The following RUNX2 variants were observed in gnomAD, a reference collection of about 807,000 sequenced individuals.
RUNX2 encodes runt-related transcription factor 2.
A neutral mutation model predicts 51.7 loss-of-function variants in RUNX2; 10 were observed. The ratio of observed to expected loss-of-function variants is 0.19; its 90% CI spans 0.12 to 0.33. The LOEUF (loss-of-function observed/expected upper bound fraction) is 0.33. Ranked by LOEUF, RUNX2 falls within the 10% of genes least tolerant of loss-of-function variation. The probability of loss-of-function intolerance (pLI) is 1.00; values close to 1 mark genes in which losing one functional copy is unlikely to be tolerated. For synonymous variants in RUNX2, 276 were observed against 273.6 expected, an observed-to-expected ratio of 1.01 and a Z score of -0.09; for missense variants, 562 against 691.3, an observed-to-expected ratio of 0.81 and a Z score of 2.10.
At chr6:45,397,134 C>T (rs979784025) in intron 2 of RUNX2, among the ~76,000 whole-genome samples, 1 of 149,902 alleles carries the variant, frequency 6.7e-6, no homozygotes, top group Non-Finnish European at 1.5e-5. Context: ...GACTGAGTCT[C>T]GCTCTGTCGC....
intron 7 of RUNX2, among the ~76,000 whole-genome samples, chr6:45,519,426 C>T (rs986831463): frequency 3.3e-5 from 5 of 152,104 alleles, no homozygotes; most frequent in Non-Finnish European, 7.4e-5. Flanking sequence ...AGGGCTCACT[C>T]TTTGTGTTGT....
chr6:45,380,558 A>T (rs1797215470), intron 2 of RUNX2, among the ~76,000 whole-genome samples: 1 of 152,116 alleles, frequency 6.6e-6, no homozygotes, highest in Non-Finnish European at 1.5e-5. Context: ...CATCTCTCTG[A>T]TTCCATGGAA....
chr6:45,452,725 C>T (rs1439472398), intron 5 of RUNX2, among the ~76,000 whole-genome samples: 1 of 152,016 alleles, frequency 6.6e-6, no homozygotes, highest in East Asian at 1.9e-4. Flanking sequence ...GAACTAAGTG[C>T]ATACAATTTT....
chr6:45,413,084 G>T (rs1189615085), intron 2 of RUNX2, among the ~76,000 whole-genome samples: 1 of 152,084 alleles, frequency 6.6e-6, no homozygotes, highest in Non-Finnish European at 1.5e-5. Flanking sequence ...GTAAAGATTT[G>T]ATAATGGAAT....
intron 5 of RUNX2, among the ~76,000 whole-genome samples, chr6:45,451,461 A>C (rs1198224024): frequency 1.3e-5 from 2 of 152,254 alleles, no homozygotes; most frequent in Non-Finnish European, 2.9e-5. Context: ...TCAAAACATA[A>C]GAGCAACATG....
At chr6:45,352,115 T>G (rs1399992184) in intron 2 of RUNX2, among the ~76,000 whole-genome samples, 1 of 152,188 alleles carries the variant, frequency 6.6e-6, no homozygotes, top group African/African-American at 2.4e-5. Context: ...TTACCTGACC[T>G]TTTTTATAAG....
In RUNX2 at chr6:45,366,446, A is replaced by T. The variant is rs1795144506; in HGVS notation, c.58+37662A>T. Among the ~76,000 whole-genome samples, 3 of 152,230 alleles carry T rather than the reference A, an allele frequency of 2.0e-5. 1 individual carries two copies. The South Asian group carries it at 6.2e-4, about 31-fold the overall frequency. ...AATACATACAAAAATTTAGAGCAGT[A>T]CTGATAGCACACAGTGGATACACAA... On this transcript the variant is annotated intron_variant, in intron 2 of 8. Coordinates refer to ENST00000647337, the MANE Select transcript of RUNX2 (RefSeq NM_001024630.4).
intron 5 of RUNX2, among the ~76,000 whole-genome samples, chr6:45,479,321 C>G (rs1220492285): frequency 1.3e-5 from 2 of 152,144 alleles, no homozygotes; most frequent in Non-Finnish European, 2.9e-5. Flanking sequence ...AAAATGAAGG[C>G]ATCTAATTAG....
At chr6:45,409,091 A>G (rs1188178454) in intron 2 of RUNX2, among the ~76,000 whole-genome samples, 2 of 152,058 alleles carry the variant, frequency 1.3e-5, no homozygotes, top group East Asian at 1.9e-4. Flanking sequence ...AGTTTCATTC[A>G]TTTTCCTTAT....
At chr6:45,360,763 G>A (rs1794112137) in intron 2 of RUNX2, among the ~76,000 whole-genome samples, 1 of 152,116 alleles carries the variant, frequency 6.6e-6, no homozygotes, top group African/African-American at 2.4e-5. Flanking sequence ...TAAATTTGAG[G>A]TGCTCGCAGA....
chr6:45,533,949 C>T (rs1563128061), intron 7 of RUNX2, among the ~76,000 whole-genome samples: 1 of 137,870 alleles, frequency 7.3e-6, no homozygotes, highest in Non-Finnish European at 1.5e-5. Context: ...GGCTGGAGTG[C>T]AGTGGCTCGA....
At position 45,549,964 on chromosome 6, in the gene RUNX2, T is replaced by G. The variant is rs1434696687; in HGVS notation, c.*2659T>G. On this transcript the variant is annotated 3_prime_UTR_variant, in exon 9 of 9. Coordinates refer to ENST00000647337, the MANE Select transcript of RUNX2 (RefSeq NM_001024630.4). ...ATTTCTTAGAACAAATTCTGCCCTT[T>G]TTTGGTCTAGGGATTAAAATTTTGT... The G allele has an allele frequency of 6.6e-6, 1 of 152,414 alleles. No homozygotes were observed. The highest frequency in any genetic ancestry group is 1.5e-5 in the Non-Finnish European group (1 of 68,010). 9.4% of individuals were successfully genotyped at this position (152,414 alleles called of 1,614,324 possible).
intron 3 of RUNX2, among the ~76,000 whole-genome samples, chr6:45,428,619 G>C (rs777659824): frequency 6.6e-6 from 1 of 151,952 alleles, no homozygotes; most frequent in Admixed American, 6.6e-5. Context: ...AATGTGATAC[G>C]TAAAACACAC....
intron 2 of RUNX2, among the ~76,000 whole-genome samples, chr6:45,415,922 AAT>A (rs1208014443): frequency 6.6e-6 from 1 of 152,236 alleles, no homozygotes; most frequent in Non-Finnish European, 1.5e-5. Context: ...CACTAATAGG[AAT>A]ATGAGTCAGG....
intron 2 of RUNX2, among the ~76,000 whole-genome samples, chr6:45,378,290 T>C (rs1162919493): frequency 6.6e-6 from 1 of 152,180 alleles, no homozygotes; most frequent in Non-Finnish European, 1.5e-5. Flanking sequence ...GCTAGGATTT[T>C]TGAAGGATTG....
chr6:45,385,675 G>C (rs1797332697), intron 2 of RUNX2, among the ~76,000 whole-genome samples: 1 of 152,184 alleles, frequency 6.6e-6, no homozygotes, highest in African/African-American at 2.4e-5. Flanking sequence ...CAAGGTGGGT[G>C]GATCGCTTGA....
chr6:45,482,258 G>C (rs576656528), intron 5 of RUNX2, among the ~76,000 whole-genome samples: 2 of 151,938 alleles, frequency 1.3e-5, no homozygotes, highest in African/African-American at 4.8e-5. Context: ...TTCTTCAGAC[G>C]TCTCAAGTTT....
rs1802460697 is a variant in RUNX2, at chr6:45,548,100, G to A, written c.*795G>A. 1 of 152,470 alleles carries A rather than the reference G, an allele frequency of 6.6e-6. No homozygotes were observed. Among genetic ancestry groups the A allele is most frequent in the Non-Finnish European group, 1.5e-5 (1 of 68,032 alleles). The allele number at this position is 152,470 out of a possible 1,614,324, so 9.4% of individuals were successfully genotyped here. On this transcript the variant is annotated 3_prime_UTR_variant, in exon 9 of 9. Transcript: ENST00000647337. ...TTATAGCCATAATGGTATAGATAGT[G>A]ATTGCGTTTGGCTATGTGTTGTTTT...
intron 5 of RUNX2, among the ~76,000 whole-genome samples, chr6:45,479,871 C>G (rs1284715444): frequency 6.6e-6 from 1 of 152,208 alleles, no homozygotes; most frequent in Non-Finnish European, 1.5e-5. Flanking sequence ...GTAAAACTTG[C>G]TATCTTCTAA....
Sources: allele counts gnomAD v4.1 joint callset (sites outside exome capture counted in the v4.1 genomes callset), GRCh38; gene constraint gnomAD v4.1.1; transcripts MANE v1.5; gene names NCBI Gene and HGNC (gene_info 2026-07-23, HGNC 2026-07-21).